The following RIMKLB variants were observed in gnomAD, a reference collection of about 807,000 sequenced individuals.
The protein encoded by RIMKLB is ribosomal modification protein rimK like family member B.
RIMKLB carries 7 observed loss-of-function variants against 32.0 expected under a neutral mutation model. That is an observed-to-expected ratio of 0.22 (90% CI 0.12 to 0.41). The LOEUF is 0.41. Ranked by LOEUF, RIMKLB falls within the 10% of genes least tolerant of loss-of-function variation. The pLI is 1.00. For synonymous variants in RIMKLB, 172 were observed against 185.1 expected, an observed-to-expected ratio of 0.93 and a Z score of 0.57; for missense variants, 289 against 498.7, an observed-to-expected ratio of 0.58 and a Z score of 4.00.
At chr12:8,716,812 C>G (rs1473454297) in intron 2 of RIMKLB, among the ~76,000 whole-genome samples, 1 of 144,094 alleles carries the variant, frequency 6.9e-6, no homozygotes, top group Non-Finnish European at 1.5e-5. Flanking sequence ...TCTTAGCTCA[C>G]TGCAGCCTCA....
intron 2 of RIMKLB, among the ~76,000 whole-genome samples, chr12:8,725,514 C>T (rs1945894763): frequency 6.6e-6 from 1 of 152,112 alleles, no homozygotes; most frequent in African/African-American, 2.4e-5. Context: ...CGTCAGGATG[C>T]TCTACTTTCA....
At chr12:8,713,656 A>G (rs757826508) in intron 1 of RIMKLB, 155 bp from the exon 2 acceptor site, 30 of 538,522 alleles carry the variant, frequency 5.6e-5, no homozygotes, top group Non-Finnish European at 7.9e-5. Flanking sequence ...TAGTGTATAA[A>G]AATTTTAGTT....
chr12:8,685,272 A>G (rs1942536151), intron 1 of RIMKLB, among the ~76,000 whole-genome samples: 2 of 152,160 alleles, frequency 1.3e-5, no homozygotes, highest in South Asian at 4.1e-4. Context: ...GTTTCTTTGT[A>G]GATGTTCTTT....
At chr12:8,702,189 G>A (rs757156896) in intron 1 of RIMKLB, among the ~76,000 whole-genome samples, 1 of 152,276 alleles carries the variant, frequency 6.6e-6, no homozygotes, top group East Asian at 1.9e-4. Flanking sequence ...GATAACATCA[G>A]GGAATAAAAT....
chr12:8,781,105 C>G (rs1476761532), downstream of RIMKLB, among the ~76,000 whole-genome samples: 1 of 152,194 alleles, frequency 6.6e-6, no homozygotes, highest in Non-Finnish European at 1.5e-5. Flanking sequence ...CTTTGGGAGA[C>G]TGAGGAGAGT....
intron 5 of RIMKLB, among the ~76,000 whole-genome samples, chr12:8,756,299 T>C (rs1345514443): frequency 1.3e-5 from 2 of 152,000 alleles, no homozygotes; most frequent in African/African-American, 4.8e-5. Flanking sequence ...CCAGCCTGTC[T>C]CAAAAACAAA....
rs1356387939 is a variant in RIMKLB, at chr12:8,776,159, TAGTC to T, written c.*2376_*2379del. ...GGTAAGGCATCAGGAAAAATGTAGT[TAGTC>T]TTTTCTTAACTTATACCAAATTAAC... On this transcript the variant is annotated 3_prime_UTR_variant, in exon 6 of 6. Coordinates refer to ENST00000535829, the MANE Select transcript of RIMKLB (RefSeq NM_001297776.2). 26 of 984,794 alleles carry T rather than the reference TAGTC, an allele frequency of 2.6e-5. No individual in the cohort carries two copies. Among genetic ancestry groups the T allele is most frequent in the Non-Finnish European group, 3.1e-5 (26 of 829,448 alleles). The allele number at this position is 984,794 out of a possible 1,614,324, so 61.0% of individuals were successfully genotyped here.
chr12:8,759,350 G>A (rs942233104), intron 5 of RIMKLB, among the ~76,000 whole-genome samples: 5 of 152,148 alleles, frequency 3.3e-5, no homozygotes, highest in African/African-American at 7.2e-5. Flanking sequence ...AGCCAAGGTC[G>A]TGTCACTGCA....
At chr12:8,761,793 C>A (rs867754739) in intron 5 of RIMKLB, among the ~76,000 whole-genome samples, 1 of 152,060 alleles carries the variant, frequency 6.6e-6, no homozygotes, top group Non-Finnish European at 1.5e-5. Flanking sequence ...GGTTGGCTGA[C>A]GACTGCTTTT....
chr12:8,777,727 C>A, downstream of RIMKLB: 1 of 1,252,528 alleles, frequency 8.0e-7, no homozygotes, highest in Non-Finnish European at 1.0e-6. Flanking sequence ...AACTCCCCTT[C>A]CCCCAATAAT....
At chr12:8,669,530 G>A in the RIMKLB span, among the ~76,000 whole-genome samples, 1 of 151,966 alleles carries the variant, frequency 6.6e-6, no homozygotes, top group Admixed American at 6.6e-5. Context: ...TAGTAATAAT[G>A]GCTAATATTT....
chr12:8,719,683 T>C (rs1945246155), intron 2 of RIMKLB, among the ~76,000 whole-genome samples: 1 of 152,194 alleles, frequency 6.6e-6, no homozygotes, highest in Non-Finnish European at 1.5e-5. Context: ...CTGGGTTTTT[T>C]GTCTTCCAAT....
chr12:8,747,336 A>G (rs1294032673), intron 2 of RIMKLB, among the ~76,000 whole-genome samples: 1 of 152,138 alleles, frequency 6.6e-6, no homozygotes, highest in African/African-American at 2.4e-5. Flanking sequence ...CATATTGTTA[A>G]CATTTTTGCC....
At chr12:8,767,299 G>GGGGA (rs1950049293) in intron 5 of RIMKLB, among the ~76,000 whole-genome samples, 2 of 152,126 alleles carry the variant, frequency 1.3e-5, no homozygotes, top group Admixed American at 6.5e-5. Flanking sequence ...CAAGGGTGGT[G>GGGGA]GGGAACAGGT....
At chr12:8,731,346 C>T (rs945169964) in intron 2 of RIMKLB, among the ~76,000 whole-genome samples, 1 of 152,160 alleles carries the variant, frequency 6.6e-6, no homozygotes, top group African/African-American at 2.4e-5. Flanking sequence ...GATCCACCCA[C>T]ATCGGCCTCC....
intron 1 of RIMKLB, among the ~76,000 whole-genome samples, chr12:8,688,079 CTT>C (rs1221065154): frequency 6.6e-6 from 1 of 152,202 alleles, no homozygotes; most frequent in Non-Finnish European, 1.5e-5. Flanking sequence ...GACATTGTGT[CTT>C]TGTGAGCTGA....
chr12:8,718,903 C>A (rs920420590), intron 2 of RIMKLB, among the ~76,000 whole-genome samples: 1 of 152,098 alleles, frequency 6.6e-6, no homozygotes, highest in Non-Finnish European at 1.5e-5. Context: ...GTTTACATTA[C>A]TGCTTACTCT....
rs569222151 is a variant in RIMKLB, at chr12:8,747,241, G to A, written c.176-2621G>A. On this transcript the variant is annotated intron_variant, in intron 2 of 5. Coordinates refer to ENST00000535829, the MANE Select transcript of RIMKLB (RefSeq NM_001297776.2). ...ATAAATTCTTTAGTTCAGAACATAC[G>A]GCTTTGCATATTTGACACTTTACCT... is the stretch of plus-strand genomic sequence containing the variant. 2.6e-5 allele frequency among the ~76,000 whole-genome samples: 4 copies of A among 152,080 alleles called. No individual in the cohort carries two copies. In the South Asian group the frequency reaches 6.2e-4, roughly 24 times the overall value.
intron 5 of RIMKLB, among the ~76,000 whole-genome samples, chr12:8,754,877 C>T (rs1406966415): frequency 6.6e-6 from 1 of 152,172 alleles, no homozygotes. Flanking sequence ...GCAGCCTCAA[C>T]CTCCCAGGCT....
Sources: allele counts gnomAD v4.1 joint callset (sites outside exome capture counted in the v4.1 genomes callset), GRCh38; gene constraint gnomAD v4.1.1; transcripts MANE v1.5; gene names NCBI Gene and HGNC (gene_info 2026-07-23, HGNC 2026-07-21).